DNAH8: variants seen among roughly 807,000 people sequenced by gnomAD.
The protein encoded by DNAH8 is dynein axonemal heavy chain 8, also known as axonemal beta dynein heavy chain 8.
In DNAH8, 382 loss-of-function variants were observed where a neutral mutation model predicts 562.1. The observed-to-expected ratio is 0.68, with a 90% CI of 0.63 to 0.74. The LOEUF is 0.74. Among genes scored for constraint, DNAH8 ranks in the 30% least tolerant of loss-of-function variants. The probability of loss-of-function intolerance (pLI) is 0.00; values close to 1 mark genes in which losing one functional copy is unlikely to be tolerated. For missense variants in DNAH8, 5,203 were observed against 5,620.4 expected (o/e 0.93, Z 2.37); for synonymous variants, 1,881 against 1,919.4 (o/e 0.98, Z 0.52).
At chr6:38,943,415 A>G (rs187485701) in intron 79 of DNAH8, among the ~76,000 whole-genome samples, 4 of 152,200 alleles carry the variant, frequency 2.6e-5, no homozygotes, top group Admixed American at 6.5e-5. Flanking sequence ...TTTGAACTCA[A>G]TACTTAAGGG....
intron 91 of DNAH8, among the ~76,000 whole-genome samples, chr6:39,020,792 G>T (rs1470665770): frequency 1.3e-5 from 2 of 152,070 alleles, no homozygotes; most frequent in Non-Finnish European, 2.9e-5. Context: ...TCCTGTGTTA[G>T]TTTGCCGAGG....
At chr6:38,963,216 C>A (rs1762731242) in intron 82 of DNAH8, among the ~76,000 whole-genome samples, 1 of 147,176 alleles carries the variant, frequency 6.8e-6, no homozygotes, top group Non-Finnish European at 1.5e-5. Context: ...GGGACTATAG[C>A]ATTCCACTTC....
chr6:38,841,074 C>T (rs1738192), intron 33 of DNAH8, among the ~76,000 whole-genome samples: 131,528 of 152,124 alleles, frequency 0.86, 56,951 homozygotes, highest in South Asian at 0.89. Context: ...CAACTAAGAT[C>T]GCAGAATGTG....
At position 38,822,959 on chromosome 6, in the gene DNAH8, G is replaced by A. The variant is rs767451013; in HGVS notation, c.3645G>A (p.Lys1215=). The change falls in exon 27 of 93, where the codon AAG becomes AAA. Residue 1215 remains lysine (K), a synonymous_variant. Transcript: ENST00000327475. Reference sequence around the variant, plus strand: ...CTTCCTCTGTAAATTCCCTAAGAAAGGCAGCTCATGAGGCCCTGCAGGACT... The same window carrying A: ...CTTCCTCTGTAAATTCCCTAAGAAAAGCAGCTCATGAGGCCCTGCAGGACT... ...LLSSSVNSLR[K]AAHEALQDFQ... is the part of the protein sequence containing the mutation. 21 of 1,613,412 alleles carry A rather than the reference G, an allele frequency of 1.3e-5. No individual in the cohort carries two copies. The highest frequency in any genetic ancestry group is 1.5e-5 in the Non-Finnish European group (18 of 1,179,792).
chr6:38,847,029 C>T (rs1775355356), intron 36 of DNAH8, among the ~76,000 whole-genome samples: 1 of 152,278 alleles, frequency 6.6e-6, no homozygotes, highest in South Asian at 2.1e-4. Flanking sequence ...TAACCACAGA[C>T]TGACCTAGTA....
chr6:38,774,718 A>G (rs960866938), intron 12 of DNAH8, among the ~76,000 whole-genome samples: 2 of 152,244 alleles, frequency 1.3e-5, no homozygotes, highest in African/African-American at 4.8e-5. Flanking sequence ...GCAGGTTAGA[A>G]TAACAGAGCA....
At chr6:38,820,149 G>A (rs1040749620) in intron 26 of DNAH8, among the ~76,000 whole-genome samples, 2 of 152,134 alleles carry the variant, frequency 1.3e-5, no homozygotes, top group Non-Finnish European at 2.9e-5. Context: ...AGAAAAGCAA[G>A]GTAGGGGGTC....
rs1396374307 is a variant in DNAH8, at chr6:38,918,030, T to A, written c.10414T>A (p.Tyr3472Asn). 1 of 1,613,750 alleles carries A rather than the reference T, an allele frequency of 6.2e-7. No individual in the cohort carries two copies. Among genetic ancestry groups the A allele is most frequent in the Non-Finnish European group, 8.5e-7 (1 of 1,179,838 alleles). The change falls in exon 70 of 93, where the codon TAT becomes AAT. Residue 3472 changes from tyrosine to asparagine, a missense_variant. Tyr to Asn is a moderately radical substitution (Grantham distance 143). This residue lies in a region of DNAH8 where 1,399 missense variants were observed against 1,518.4 expected (regional missense o/e 0.92). Transcript: ENST00000327475. The stretch of plus-strand genomic sequence containing the variant: ...ACAGCCATATTTTAATATGGATGAT[T>A]ATACTTTTGAAAGTGCCAAAAAAGT... ...LLQPYFNMDD[Y>N]TFESAKKVCG...
chr6:38,859,384 C>T (rs755281967), intron 42 of DNAH8, among the ~76,000 whole-genome samples: 1 of 152,122 alleles, frequency 6.6e-6, no homozygotes, highest in Non-Finnish European at 1.5e-5. Context: ...AAGATCATAA[C>T]CAAACAACAA....
At position 38,921,280 on chromosome 6, in the gene DNAH8, G is replaced by A. The variant is rs1781683918; in HGVS notation, c.10525-89G>A. On this transcript the variant is annotated intron_variant, in intron 70 of 92. Transcript: ENST00000327475. ...GATGTGCTCGAAAGTCCCGTCTAGTGCAGAAATTATGTGATTTGTGTTATC... is the reference window on the plus strand; with the variant it reads ...GATGTGCTCGAAAGTCCCGTCTAGTACAGAAATTATGTGATTTGTGTTATC... 2.0e-6 allele frequency: 3 copies of A among 1,477,292 alleles called. No individual in the cohort carries two copies. In the African/African-American group the frequency reaches 4.2e-5, roughly 21 times the overall value. 91.5% of individuals were successfully genotyped at this position (1,477,292 alleles called of 1,614,324 possible). A position where few individuals can be genotyped will look rare whatever the true frequency, so the allele number is the denominator to read the frequency against.
intron 21 of DNAH8, among the ~76,000 whole-genome samples, chr6:38,800,611 G>T (rs1387315262): frequency 6.6e-6 from 1 of 152,102 alleles, no homozygotes; most frequent in African/African-American, 2.4e-5. Flanking sequence ...CTGCCTCCTG[G>T]GTTCAAGCGA....
intron 12 of DNAH8, among the ~76,000 whole-genome samples, chr6:38,771,858 C>G (rs1032659844): frequency 2.6e-5 from 4 of 152,000 alleles, no homozygotes; most frequent in Non-Finnish European, 5.9e-5. Context: ...CATTTGTGTA[C>G]AAGAGTTTGT....
chr6:38,872,490 A>G (rs760995415), intron 49 of DNAH8, 46 bp from the exon 50 acceptor site: 2 of 1,589,014 alleles, frequency 1.3e-6, no homozygotes, highest in Non-Finnish European at 1.7e-6. Context: ...AATGTCAGCA[A>G]GAGACTCATA....
intron 16 of DNAH8, among the ~76,000 whole-genome samples, chr6:38,782,553 A>T (rs1319406408): frequency 6.6e-6 from 1 of 152,188 alleles, no homozygotes; most frequent in East Asian, 1.9e-4. Flanking sequence ...AAGTGCTGGG[A>T]TTACAGGCGT....
At chr6:38,932,114 ATAAG>A in intron 76 of DNAH8, 121 bp downstream of exon 76, 1 of 694,342 alleles carries the variant, frequency 1.4e-6, no homozygotes, top group Non-Finnish European at 2.2e-6. Context: ...CCTTGTTAAC[ATAAG>A]TATTTCTTTT....
intron 82 of DNAH8, among the ~76,000 whole-genome samples, chr6:38,960,807 G>GA (rs1424176900): frequency 2.0e-4 from 30 of 151,844 alleles, no homozygotes; most frequent in Non-Finnish European, 3.5e-4. Context: ...ACTTTGAAAG[G>GA]ATTTTTTTCA....
intron 39 of DNAH8, 143 bp downstream of exon 39, chr6:38,851,817 G>A: frequency 1.5e-6 from 1 of 660,872 alleles, no homozygotes; most frequent in Non-Finnish European, 2.6e-6. Flanking sequence ...CATATTTTCT[G>A]TGTATTTGGA....
chr6:38,938,892 G>A lies in DNAH8; in HGVS notation c.11911G>A (p.Glu3971Lys), dbSNP rs267601020. ...TACATACTCTGTCAGAGGCCTATAC[G>A]AAAACCACAAATTCCTGTTTGTACT... The part of the protein sequence containing the change: ...VFTYSVRGLY[E>K]NHKFLFVLLM... The change falls in exon 79 of 93, where the codon GAA becomes AAA. Residue 3971 changes from glutamate to lysine, a missense_variant. By Grantham distance (56) the Glu-to-Lys change is moderately conservative (BLOSUM62 1). Around this residue, in one of 6 missense-constraint regions of DNAH8, gnomAD observed 1,399 missense variants for 1,518.4 expected, o/e 0.92. Coordinates refer to ENST00000327475, the MANE Select transcript of DNAH8 (RefSeq NM_001206927.2). 17 of 1,613,650 alleles carry A rather than the reference G, an allele frequency of 1.1e-5. No homozygotes were observed. The highest frequency in any genetic ancestry group is 8.0e-5 in the African/African-American group (6 of 74,894).
chr6:38,819,593 A>G (rs966223074), intron 26 of DNAH8, among the ~76,000 whole-genome samples: 4 of 152,174 alleles, frequency 2.6e-5, no homozygotes, highest in African/African-American at 7.2e-5. Flanking sequence ...AATGAAGAAT[A>G]AAGAAGGAAG....
Sources: gnomAD v4.1 joint callset for allele counts (sites outside exome capture counted in the v4.1 genomes callset) on GRCh38, gnomAD v4.1.1 for gene constraint, gnomAD v4.1.1 regional missense constraint, MANE v1.5 for transcripts, NCBI Gene and HGNC (gene_info 2026-07-23, HGNC 2026-07-21) for gene names.